The following IGSF10 variants were observed in gnomAD, a reference collection of about 807,000 sequenced individuals.
IGSF10 encodes the protein immunoglobulin superfamily member 10.
In IGSF10, 126 loss-of-function variants were observed where a neutral mutation model predicts 128.2. The observed-to-expected ratio is 0.98, with a 90% CI of 0.85 to 1.14. IGSF10 has a LOEUF of 1.14. Ranked by LOEUF, IGSF10 falls within the 50% of genes most tolerant of loss-of-function variation. IGSF10 has a pLI of 0.00. For missense variants in IGSF10, 3,295 were observed against 3,149.8 expected, an observed-to-expected ratio of 1.05 and a Z score of -1.10; for synonymous variants, 1,185 against 1,146.2, an observed-to-expected ratio of 1.03 and a Z score of -0.68.
chr3:151,484,008 G>A, the IGSF10 span, among the ~76,000 whole-genome samples: 1 of 152,242 alleles, frequency 6.6e-6, no homozygotes, highest in South Asian at 2.1e-4. Flanking sequence ...GTCTGGCTCA[G>A]CGGGTCCCAC....
the IGSF10 span, among the ~76,000 whole-genome samples, chr3:151,537,553 C>G: frequency 6.6e-6 from 1 of 152,124 alleles, no homozygotes; most frequent in African/African-American, 2.4e-5. Context: ...TGATGAAGCA[C>G]TTGACTAATT....
At chr3:151,500,365 TA>T in the IGSF10 span, among the ~76,000 whole-genome samples, 19 of 152,164 alleles carry the variant, frequency 1.2e-4, no homozygotes, top group Admixed American at 2.6e-4. Context: ...ATTTTGCTAT[TA>T]TTTTTTTGAA....
At chr3:151,463,757 G>A (rs1475177315), upstream of IGSF10, among the ~76,000 whole-genome samples, 8 of 151,870 alleles carry the variant, frequency 5.3e-5, no homozygotes, top group South Asian at 1.0e-3. Context: ...AGGCCAAGGC[G>A]GGAGGATCAC....
At chr3:151,611,193 A>T in the IGSF10 span, among the ~76,000 whole-genome samples, 39,661 of 152,154 alleles carry the variant, frequency 0.26, 6,450 homozygotes, top group South Asian at 0.47. Flanking sequence ...AAATTCACAT[A>T]TGTTCAAAGA....
At chr3:151,608,789 T>C in the IGSF10 span, among the ~76,000 whole-genome samples, 1 of 152,088 alleles carries the variant, frequency 6.6e-6, no homozygotes, top group African/African-American at 2.4e-5. Flanking sequence ...AATATGAAAA[T>C]GATAAGTAAA....
At position 151,453,379 on chromosome 3, in the gene IGSF10, G is replaced by A. The variant is rs369921407; in HGVS notation, c.715+5C>T. The A allele has an allele frequency of 4.5e-6, 7 of 1,568,676 alleles. No individual in the cohort carries two copies. The East Asian group carries it at 1.6e-4, about 35-fold the overall frequency. ...TTGGGACAAAAAAATAAACAATATA[G>A]ATACCTGGCTTCTCCTGTATCCAGT... On this transcript the variant is annotated splice_donor_5th_base_variant and intron_variant, in intron 5 of 7. Transcript: ENST00000282466.
chr3:151,613,495 G>C, the IGSF10 span, among the ~76,000 whole-genome samples: 2 of 152,288 alleles, frequency 1.3e-5, no homozygotes, highest in East Asian at 1.9e-4. Context: ...CAATGGAACA[G>C]AACAGAGCCC....
intron 5 of IGSF10, among the ~76,000 whole-genome samples, chr3:151,450,819 C>T (rs924511315): frequency 4.4e-5 from 6 of 137,646 alleles, no homozygotes; most frequent in South Asian, 2.4e-4. Context: ...TCACTTAACC[C>T]GGGAGGCAGA....
At chr3:151,520,305 C>A in the IGSF10 span, among the ~76,000 whole-genome samples, 20 of 151,848 alleles carry the variant, frequency 1.3e-4, no homozygotes, top group Non-Finnish European at 2.8e-4. Context: ...TTTAAGTAAT[C>A]CAGTTTATTA....
chr3:151,499,793 G>A, the IGSF10 span: 3 of 152,068 alleles, frequency 2.0e-5, no homozygotes, highest in African/African-American at 7.2e-5. Flanking sequence ...TCTGAAAACT[G>A]AAGAATAAAA....
chr3:151,572,993 A>T, the IGSF10 span, among the ~76,000 whole-genome samples: 1 of 152,182 alleles, frequency 6.6e-6, no homozygotes, highest in Non-Finnish European at 1.5e-5. Context: ...TTACCCAGTA[A>T]ATAATGCAGG....
chr3:151,618,632 A>C, the IGSF10 span, among the ~76,000 whole-genome samples: 1 of 151,998 alleles, frequency 6.6e-6, no homozygotes, highest in African/African-American at 2.4e-5. Context: ...CAGGAGGCTG[A>C]GGCAGGAGAA....
the IGSF10 span, chr3:151,475,721 T>C: frequency 1.3e-5 from 2 of 152,266 alleles, no homozygotes; most frequent in Non-Finnish European, 2.9e-5. Context: ...TTTTGGGGGC[T>C]GCTTGATTCA....
rs1721330285 is a variant in IGSF10, at chr3:151,448,361, C to T, written c.1620G>A (p.Met540Ile). 6.2e-7 allele frequency: 1 copy of T among 1,614,046 alleles called. No individual in the cohort carries two copies. Among genetic ancestry groups the T allele is most frequent in the Non-Finnish European group, 8.5e-7 (1 of 1,180,018 alleles). ...ATACGCCTGTGTCAAAACTATCAGC[C>T]ATCTGGAGTTCCAATTTTCCACTTT... ...IDKSGKLELQMADSFDTGVYH... is the reference protein window; with the variant it reads ...IDKSGKLELQIADSFDTGVYH... Residue 540 changes from methionine to isoleucine, a missense_variant, in exon 6 of 8, where the codon ATG becomes ATA. Transcript: ENST00000282466.
rs1560182853 is a variant in IGSF10, at chr3:151,457,077, A to G, written c.273T>C (p.Asn91=). The change falls in exon 4 of 8, where the codon AAT becomes AAC. Residue 91 remains asparagine, a synonymous_variant. Transcript: ENST00000282466. The part of the protein sequence containing the change: ...TKLELLMLHS[N]GIHTIPDKTF... ...TCTTGTCAGGGATTGTGTGAATGCC[A>G]TTGCTGTGAAGCATGAGTAACTCCA... 1 of 1,614,204 alleles carries G rather than the reference A, an allele frequency of 6.2e-7. No individual in the cohort carries two copies. Among genetic ancestry groups the G allele is most frequent in the Non-Finnish European group, 8.5e-7 (1 of 1,180,004 alleles).
Position 151,437,354 on chromosome 3 carries a change from G to T in IGSF10, c.7207C>A (p.Arg2403=). ...CAGCGATATTTTCCTGCATCCTCCC[G>T]AGTTGTTTTAGAAATGATAAAAGAA... ...NGSFIISKTT[R]EDAGKYRCAA... is the part of the protein sequence containing the mutation. Residue 2403 remains arginine (R), a synonymous_variant, in exon 8 of 8, where the codon CGG becomes AGG. Transcript: ENST00000282466. 1 of 1,614,110 alleles carries T rather than the reference G, an allele frequency of 6.2e-7. No individual in the cohort carries two copies. The highest frequency in any genetic ancestry group is 8.5e-7 in the Non-Finnish European group (1 of 1,180,018).
At chr3:151,511,501 C>T in the IGSF10 span, among the ~76,000 whole-genome samples, 1 of 152,322 alleles carries the variant, frequency 6.6e-6, no homozygotes, top group African/African-American at 2.4e-5. Context: ...GTACCAGCCA[C>T]TGCAAAAACA....
chr3:151,532,246 AG>A, the IGSF10 span, among the ~76,000 whole-genome samples: 47,435 of 152,034 alleles, frequency 0.31, 7,924 homozygotes, highest in Middle Eastern at 0.44. Flanking sequence ...GAATTCTACC[AG>A]AGTAACCAAG....
downstream of IGSF10, chr3:151,434,551 G>T (rs1044755371): frequency 6.6e-6 from 1 of 152,168 alleles, no homozygotes; most frequent in South Asian, 2.1e-4. Context: ...ACACATTTTT[G>T]CTGGTTTTGT....
Sources: allele counts gnomAD v4.1 joint callset (sites outside exome capture counted in the v4.1 genomes callset), GRCh38; gene constraint gnomAD v4.1.1; transcripts MANE v1.5; gene names NCBI Gene and HGNC (gene_info 2026-07-23, HGNC 2026-07-21).